The following GPX4 variants were observed in gnomAD, a reference collection of about 807,000 sequenced individuals.
GPX4 encodes phospholipid hydroperoxide glutathione peroxidase GPX4.
A neutral mutation model predicts 27.8 loss-of-function variants in GPX4; 28 were observed. The observed-to-expected ratio is 1.01, with a 90% CI of 0.75 to 1.38. GPX4 has a LOEUF of 1.38. Among genes scored for constraint, GPX4 ranks in the 40% most tolerant of loss-of-function variants. The pLI is 0.00. For synonymous variants in GPX4, 163 were observed against 107.8 expected, an observed-to-expected ratio of 1.51 and a Z score of -3.17; for missense variants, 357 against 274.1, an observed-to-expected ratio of 1.30 and a Z score of -2.14.
Position 1,106,372 on chromosome 19 carries a change from CCA to C in GPX4, c.502-25_502-24del, listed in dbSNP as rs1568536978. 3.1e-6 allele frequency: 5 copies of C among 1,613,310 alleles called. No individual in the cohort carries two copies. The South Asian group carries it at 4.4e-5, about 14-fold the overall frequency. On this transcript the variant is annotated intron_variant, in intron 5 of 6. Transcript: ENST00000354171. ...GCCTCAGCCCCTTGCAGGGGTGGCC[CCA>C]CAGTTTGGACACCGTCTCTCCACAG...
In GPX4 at chr19:1,105,829, A is replaced by T; in HGVS notation, c.476+20A>T. ...GGGAAAGTGCGTGACCTCTGGGGACAGTACGGCTGCTGGGGTGGGGGTGGG... is the reference window on the plus strand; with the variant it reads ...GGGAAAGTGCGTGACCTCTGGGGACTGTACGGCTGCTGGGGTGGGGGTGGG... On this transcript the variant is annotated intron_variant, in intron 4 of 6. Transcript: ENST00000354171. 18 of 573,426 alleles carry T rather than the reference A, an allele frequency of 3.1e-5. No individual in the cohort carries two copies. Among genetic ancestry groups the T allele is most frequent in the East Asian group, 7.3e-5 (1 of 13,784 alleles). The allele number at this position is 573,426 out of a possible 1,614,324, so 35.5% of individuals were successfully genotyped here.
In GPX4 at chr19:1,105,149, C is replaced by G. The variant is rs765117498; in HGVS notation, c.85-37C>G. The stretch of plus-strand genomic sequence containing the variant: ...CCTCAGGGTCCCGGGCTCAGCCTCC[C>G]GTCCACGCTCCCTGCTCAGCTTCCT... On this transcript the variant is annotated intron_variant, in intron 1 of 6. Coordinates refer to ENST00000354171, the MANE Select transcript of GPX4 (RefSeq NM_002085.5). 13 of 1,606,864 alleles carry G rather than the reference C, an allele frequency of 8.1e-6. No individual in the cohort carries two copies. In the East Asian group the frequency reaches 8.9e-5, roughly 11 times the overall value.
chr19:1,104,485 G>A (rs937967212), intron 1 of GPX4: 2 of 386,194 alleles, frequency 5.2e-6, no homozygotes, highest in Non-Finnish European at 3.8e-6. Flanking sequence ...GACGGCTGGG[G>A]CGGAGCTGGA....
At chr19:1,104,825 A>C in intron 1 of GPX4, 5 of 1,039,204 alleles carry the variant, frequency 4.8e-6, no homozygotes, top group Non-Finnish European at 5.8e-6. Context: ...TCGGCGGCGG[A>C]AGGCCCCAGC....
chr19:1,106,053 G>T, intron 4 of GPX4, 189 bp from the exon 5 acceptor site: 1 of 692,934 alleles, frequency 1.4e-6, no homozygotes, highest in Non-Finnish European at 2.4e-6. Context: ...TCGGGGGCCT[G>T]TGGGGGGCTG....
rs1046937374 is a variant in GPX4 at position 1,106,529 on chromosome 19, C to T, written c.562-11C>T. On this transcript the variant is annotated splice_polypyrimidine_tract_variant and intron_variant, in intron 6 of 6. Coordinates refer to ENST00000354171, the MANE Select transcript of GPX4 (RefSeq NM_002085.5). The stretch of plus-strand genomic sequence containing the variant: ...AGGTAGCTGCCCTAACCCAGCTTTC[C>T]TCCCCGACAGGTGATAGAGAAGGAC... 1.1e-5 allele frequency: 17 copies of T among 1,612,952 alleles called. No homozygotes were observed. The highest frequency in any genetic ancestry group is 1.4e-5 in the Non-Finnish European group (17 of 1,179,646).
chr19:1,106,331 G>C, intron 5 of GPX4, 65 bp downstream of exon 5: 1 of 1,608,732 alleles, frequency 6.2e-7, no homozygotes, highest in South Asian at 1.1e-5. Flanking sequence ...CAGATGGGCA[G>C]CGGACAGGAA....
At chr19:1,106,328 G>C (rs754502718) in intron 5 of GPX4, 62 bp downstream of exon 5, 1 of 1,609,066 alleles carries the variant, frequency 6.2e-7, no homozygotes, top group African/African-American at 1.3e-5. Context: ...GCCCAGATGG[G>C]CAGCGGACAG....
At chr19:1,104,567 G>A (rs2079625126) in intron 1 of GPX4, 1 of 931,314 alleles carries the variant, frequency 1.1e-6, no homozygotes, top group Non-Finnish European at 1.3e-6. Context: ...GGGGCGCGGA[G>A]GGCTGGAAAT....
At chr19:1,106,028 T>A in intron 4 of GPX4, 1 of 636,740 alleles carries the variant, frequency 1.6e-6, no homozygotes, top group Non-Finnish European at 2.5e-6. Flanking sequence ...TGTGGCCTCC[T>A]GGGGACAGGA....
At position 1,106,388 on chromosome 19, in the gene GPX4, G is replaced by C. The variant is rs374681817; in HGVS notation, c.502-12G>C. On this transcript the variant is annotated splice_polypyrimidine_tract_variant and intron_variant, in intron 5 of 6. Transcript: ENST00000354171. ...GGGGTGGCCCCACAGTTTGGACACC[G>C]TCTCTCCACAGTTCCTCATCGACAA... The C allele has an allele frequency of 6.2e-7, 1 of 1,613,358 alleles. No individual in the cohort carries two copies. The highest frequency in any genetic ancestry group is 8.5e-7 in the Non-Finnish European group (1 of 1,179,934).
chr19:1,104,988 C>T, intron 1 of GPX4, 198 bp from the exon 2 acceptor site: 1 of 1,468,286 alleles, frequency 6.8e-7, no homozygotes. Context: ...GAACCCTCTC[C>T]CGGCCTCCGG....
At chr19:1,106,499 T>C in intron 6 of GPX4, 40 bp downstream of exon 6, 1 of 1,611,808 alleles carries the variant, frequency 6.2e-7, no homozygotes. Context: ...GCTCGGGGGC[T>C]TGGGAGGTAG....
rs768357556 is a variant in GPX4 at position 1,106,198 on chromosome 19, G to C, written c.477-44G>C. ...GGAGACAGGACAGCTTGGGGACTGTGGGGGGCTGCTGGGGACGCTCACGTC... is the reference window on the plus strand; with the variant it reads ...GGAGACAGGACAGCTTGGGGACTGTCGGGGGCTGCTGGGGACGCTCACGTC... On this transcript the variant is annotated intron_variant, in intron 4 of 6. Coordinates refer to ENST00000354171, the MANE Select transcript of GPX4 (RefSeq NM_002085.5). 4.2e-5 allele frequency: 66 copies of C among 1,565,536 alleles called. No individual in the cohort carries two copies. The Middle Eastern group carries it at 5.8e-4, about 14-fold the overall frequency.
In GPX4 at chr19:1,105,365, G is replaced by A. The variant is rs1368137267; in HGVS notation, c.180-1G>A. ...TGCGCTGACGCCGCCGATCCTCGCA[G>A]GGGCTTCGTGTGCATCGTCACCAAC... On this transcript the variant is annotated splice_acceptor_variant, in intron 2 of 6. Coordinates refer to ENST00000354171, the MANE Select transcript of GPX4 (RefSeq NM_002085.5). LOFTEE classifies it high-confidence loss of function. The A allele has an allele frequency of 1.2e-6, 2 of 1,610,694 alleles. No individual in the cohort carries two copies. The highest frequency in any genetic ancestry group is 1.7e-5 in the Admixed American group (1 of 59,974).
intron 1 of GPX4, chr19:1,104,456 T>G: frequency 3.0e-6 from 1 of 330,536 alleles, no homozygotes. Flanking sequence ...GGTCCAGGCT[T>G]GCAGGGGGCG....
intron 1 of GPX4, chr19:1,104,968 T>G: frequency 1.4e-6 from 2 of 1,475,400 alleles, no homozygotes; most frequent in Non-Finnish European, 9.0e-7. Context: ...TGTGGCACAT[T>G]TTGGGGTTGG....
intron 1 of GPX4, chr19:1,104,502 A>T: frequency 2.3e-6 from 1 of 432,132 alleles, no homozygotes; most frequent in Non-Finnish European, 3.2e-6. Flanking sequence ...TGGACCGTTG[A>T]GGGCCACGGC....
Position 1,106,599 on chromosome 19 carries a change from G to A in GPX4, c.*27G>A, listed in dbSNP as rs765530985. ...TCCACAAGTGTGTGGCCCCGCCCGA[G>A]CCCCTGCCCACGCCCTTGGAGCCTT... On this transcript the variant is annotated 3_prime_UTR_variant, in exon 7 of 7. Transcript: ENST00000354171. 6.2e-7 allele frequency: 1 copy of A among 1,612,946 alleles called. No homozygotes were observed. The highest frequency in any genetic ancestry group is 2.2e-5 in the East Asian group (1 of 44,862).
Sources: gnomAD v4.1 joint callset for allele counts on GRCh38, gnomAD v4.1.1 for gene constraint, MANE v1.5 for transcripts, NCBI Gene and HGNC (gene_info 2026-07-23, HGNC 2026-07-21) for gene names.